The following KCND3 variants were observed in gnomAD, a reference collection of about 807,000 sequenced individuals.
The protein encoded by KCND3 is potassium voltage-gated channel subfamily D member 3.
Under a neutral mutation model 51.1 loss-of-function variants are expected in KCND3, and 9 were observed. The ratio of observed to expected loss-of-function variants is 0.18; its 90% CI spans 0.11 to 0.31. The LOEUF is 0.31. Among genes scored for constraint, KCND3 ranks in the 10% least tolerant of loss-of-function variants. The probability of loss-of-function intolerance (pLI) is 1.00; values close to 1 mark genes in which losing one functional copy is unlikely to be tolerated. For missense variants in KCND3, 526 were observed against 903.8 expected, an observed-to-expected ratio of 0.58 and a Z score of 5.36; for synonymous variants, 349 against 368.0, an observed-to-expected ratio of 0.95 and a Z score of 0.59.
Position 111,888,456 on chromosome 1 carries a change from C to T in KCND3, c.1106+93165G>A, listed in dbSNP as rs148761858. ...ATCCCAGCACTTTGGGAGGCCAAGG[C>T]GGGTGGATCACCTGAGGTCAGGCGT... On this transcript the variant is annotated intron_variant, in intron 2 of 7. Coordinates refer to ENST00000302127, the MANE Select transcript of KCND3 (RefSeq NM_001378969.1). Among the ~76,000 whole-genome samples, 775 of 152,176 alleles carry T rather than the reference C, an allele frequency of 5.1e-3. 6 individuals carry two copies. The highest frequency in any genetic ancestry group is 7.6e-3 in the Admixed American group (116 of 15,296).
chr1:111,897,710 G>A (rs1034993062), intron 2 of KCND3, among the ~76,000 whole-genome samples: 1 of 152,222 alleles, frequency 6.6e-6, no homozygotes, highest in Non-Finnish European at 1.5e-5. Flanking sequence ...TGTGGCTGAG[G>A]GGAGCTTGGG....
chr1:111,817,445 A>G (rs572574585), intron 2 of KCND3, among the ~76,000 whole-genome samples: 1 of 152,222 alleles, frequency 6.6e-6, no homozygotes, highest in South Asian at 2.1e-4. Flanking sequence ...ATGCATAACA[A>G]TGTTTAACAT....
At chr1:111,819,324 A>C (rs1666245216) in intron 2 of KCND3, among the ~76,000 whole-genome samples, 1 of 152,100 alleles carries the variant, frequency 6.6e-6, no homozygotes, top group Non-Finnish European at 1.5e-5. Flanking sequence ...CCCTCTGAAG[A>C]ACCACGGAGA....
At chr1:111,891,564 C>A (rs1345952400) in intron 2 of KCND3, among the ~76,000 whole-genome samples, 4 of 152,158 alleles carry the variant, frequency 2.6e-5, no homozygotes, top group Admixed American at 2.6e-4. Context: ...CTCAGGGAGA[C>A]CGGCACTTAT....
At chr1:111,846,170 C>T (rs1667538503) in intron 2 of KCND3, among the ~76,000 whole-genome samples, 1 of 152,182 alleles carries the variant, frequency 6.6e-6, no homozygotes, top group Non-Finnish European at 1.5e-5. Flanking sequence ...TATAATTAAG[C>T]TTGGTCAATA....
intron 2 of KCND3, among the ~76,000 whole-genome samples, chr1:111,807,448 C>T (rs908761449): frequency 3.9e-5 from 6 of 152,138 alleles, no homozygotes; most frequent in African/African-American, 9.7e-5. Context: ...GAGGCCAAGG[C>T]GGGTGGATCA....
intron 2 of KCND3, among the ~76,000 whole-genome samples, chr1:111,966,627 G>C (rs1307369165): frequency 6.6e-6 from 1 of 152,210 alleles, no homozygotes; most frequent in East Asian, 1.9e-4. Context: ...CCCTAAGTCT[G>C]TGCCAGGACA....
intron 2 of KCND3, among the ~76,000 whole-genome samples, chr1:111,838,424 A>T (rs1391474540): frequency 6.6e-6 from 1 of 152,162 alleles, no homozygotes; most frequent in African/African-American, 2.4e-5. Context: ...TTGGGAGGCC[A>T]AGGCGGGCGG....
intron 2 of KCND3, among the ~76,000 whole-genome samples, chr1:111,941,684 G>C (rs1239186003): frequency 6.6e-6 from 1 of 152,132 alleles, no homozygotes; most frequent in Non-Finnish European, 1.5e-5. Context: ...CCCAAGCAGG[G>C]AGCCAACGAG....
Position 111,981,584 on chromosome 1 carries a change from A to G in KCND3, c.1106+37T>C, listed in dbSNP as rs748549329. The stretch of plus-strand genomic sequence containing the variant: ...TCAGAGGTCATCCAGCTGCCCTCCA[A>G]CCTCCGTCCTGGTTTCATCCACCAG... On this transcript the variant is annotated intron_variant, in intron 2 of 7. Coordinates refer to ENST00000302127, the MANE Select transcript of KCND3 (RefSeq NM_001378969.1). The surrounding 1 kb of genome is among the most constrained non-coding windows in gnomAD (Gnocchi z 6.2). 2 of 1,613,376 alleles carry G rather than the reference A, an allele frequency of 1.2e-6. No individual in the cohort carries two copies. The highest frequency in any genetic ancestry group is 1.7e-6 in the Non-Finnish European group (2 of 1,179,804).
chr1:111,874,896 T>C (rs1668984870), intron 2 of KCND3, among the ~76,000 whole-genome samples: 2 of 152,204 alleles, frequency 1.3e-5, no homozygotes, highest in Non-Finnish European at 2.9e-5. Flanking sequence ...CCAGGCTAGC[T>C]TCCCTGCAAC....
chr1:111,951,585 C>T (rs1170056312), intron 2 of KCND3, among the ~76,000 whole-genome samples: 1 of 152,214 alleles, frequency 6.6e-6, no homozygotes, highest in African/African-American at 2.4e-5. Context: ...CAAATACTTA[C>T]TGAGCACCTT....
At chr1:111,819,738 G>T (rs530942725) in intron 2 of KCND3, among the ~76,000 whole-genome samples, 16 of 152,280 alleles carry the variant, frequency 1.1e-4, no homozygotes, top group African/African-American at 3.9e-4. Context: ...GGAAGTGTTA[G>T]CCATACGAGG....
At chr1:111,915,766 C>CAAAAAAAAAAAAAAAAAAAAAAAAAA (rs1265793985) in intron 2 of KCND3, among the ~76,000 whole-genome samples, 1 of 119,274 alleles carries the variant, frequency 8.4e-6, no homozygotes, top group Non-Finnish European at 1.7e-5. Flanking sequence ...AAAAAAAAAA[C>CAAAAAAAAAAAAAAAAAAAAAAAAAA]AAAAAAAAAA....
intron 2 of KCND3, among the ~76,000 whole-genome samples, chr1:111,829,855 G>A (rs1399937164): frequency 2.6e-5 from 4 of 152,148 alleles, no homozygotes; most frequent in African/African-American, 9.7e-5. Context: ...CAGTAGACCC[G>A]ACTGCCTGAG....
chr1:111,962,531 G>A (rs1673717583), intron 2 of KCND3, among the ~76,000 whole-genome samples: 1 of 152,188 alleles, frequency 6.6e-6, no homozygotes, highest in South Asian at 2.1e-4. Flanking sequence ...GTGACATCAT[G>A]CCATTACATC....
At chr1:111,973,391 C>G (rs1158696000) in intron 2 of KCND3, among the ~76,000 whole-genome samples, 1 of 152,242 alleles carries the variant, frequency 6.6e-6, no homozygotes, top group African/African-American at 2.4e-5. Flanking sequence ...GTCTCCTAAA[C>G]AGCCCACTCT....
intron 2 of KCND3, among the ~76,000 whole-genome samples, chr1:111,915,946 A>C (rs1671197713): frequency 6.6e-6 from 1 of 152,102 alleles, no homozygotes; most frequent in Admixed American, 6.5e-5. Context: ...TGATATAAAG[A>C]AAGGAGAAAT....
At position 111,777,271 on chromosome 1, in the gene KCND3, G is replaced by T; in HGVS notation, c.1521C>A (p.Asn507Lys). 1 of 1,614,186 alleles carries T rather than the reference G, an allele frequency of 6.2e-7. No individual in the cohort carries two copies. The highest frequency in any genetic ancestry group is 8.5e-7 in the Non-Finnish European group (1 of 1,180,036). ...ACATCTGCTCATCAATAAACTCGTG[G>T]TTCTGCGGGAGGCAGAAGGAGAAGA... is the stretch of plus-strand genomic sequence containing the variant. ...LLSVRTSTIK[N>K]HEFIDEQMFE... Residue 507 changes from asparagine (N) to lysine (K), a missense_variant and splice_region_variant, in exon 7 of 8, where the codon AAC becomes AAA. Coordinates refer to ENST00000302127, the MANE Select transcript of KCND3 (RefSeq NM_001378969.1).
Sources: gnomAD v4.1 joint callset for allele counts (sites outside exome capture counted in the v4.1 genomes callset) on GRCh38, gnomAD v4.1.1 for gene constraint, Gnocchi (gnomAD v3.1) non-coding constraint, MANE v1.5 for transcripts, NCBI Gene and HGNC (gene_info 2026-07-23, HGNC 2026-07-21) for gene names.